The following ZSCAN30 variants were observed in gnomAD, a reference collection of about 807,000 sequenced individuals.
The protein encoded by ZSCAN30 is zinc finger and SCAN domain-containing protein 30.
In ZSCAN30, 37 loss-of-function variants were observed where a neutral mutation model predicts 44.3. The observed-to-expected ratio is 0.84, with a 90% CI of 0.64 to 1.10. ZSCAN30 has a LOEUF of 1.10. Among genes scored for constraint, ZSCAN30 ranks in the 50% least tolerant of loss-of-function variants. The pLI is 0.00. For missense variants in ZSCAN30, 549 were observed against 582.6 expected (o/e 0.94, Z 0.59); for synonymous variants, 181 against 204.6 (o/e 0.88, Z 0.98).
chr18:35,253,445 C>CA lies in ZSCAN30; in HGVS notation c.*4dup. The stretch of plus-strand genomic sequence containing the variant: ...TTCACAATTGTACAACTCTTACCCA[C>CA]AGAGTTAAACTCTGGTGTGTGTTCT... On this transcript the variant is annotated 3_prime_UTR_variant, in exon 4 of 4. Coordinates refer to ENST00000333206, the MANE Select transcript of ZSCAN30 (RefSeq NM_001112734.4). 2 of 1,551,862 alleles carry CA rather than the reference C, an allele frequency of 1.3e-6. No homozygotes were observed. Among genetic ancestry groups the CA allele is most frequent in the South Asian group, 2.5e-5 (2 of 80,178 alleles).
chr18:35,276,120 T>C (rs1249864117), intron 1 of ZSCAN30, among the ~76,000 whole-genome samples: 1 of 152,216 alleles, frequency 6.6e-6, no homozygotes, highest in Non-Finnish European at 1.5e-5. Flanking sequence ...TTGTGATGTA[T>C]TTGACTGATT....
chr18:35,274,467 T>A (rs2044337265), intron 1 of ZSCAN30, among the ~76,000 whole-genome samples: 1 of 152,196 alleles, frequency 6.6e-6, no homozygotes, highest in East Asian at 1.9e-4. Context: ...TGACTTGCAG[T>A]TGGGCTACAG....
chr18:35,258,142 G>T (rs1048409484), intron 3 of ZSCAN30: 1 of 623,264 alleles, frequency 1.6e-6, no homozygotes, highest in Non-Finnish European at 2.9e-6. Context: ...GCTGTGAAAG[G>T]ATCCACATTA....
chr18:35,260,901 C>T (rs2044011380), intron 3 of ZSCAN30: 1 of 152,122 alleles, frequency 6.6e-6, no homozygotes, highest in South Asian at 2.1e-4. Flanking sequence ...TTGCTTTTGA[C>T]ATTTTCATCA....
In ZSCAN30 at chr18:35,253,628, G is replaced by A. The variant is rs2043673786; in HGVS notation, c.1307C>T (p.Thr436Ile). 1.9e-6 allele frequency: 3 copies of A among 1,613,976 alleles called. No individual in the cohort carries two copies. The highest frequency in any genetic ancestry group is 2.7e-5 in the African/African-American group (2 of 74,888). ...ATTACATTCATAAGGTTTCTCTCCAGTGTGAATTCTTTGATGTTCAATAAG... is the reference window on the plus strand; with the variant it reads ...ATTACATTCATAAGGTTTCTCTCCAATGTGAATTCTTTGATGTTCAATAAG... ...SILIEHQRIH[T>I]GEKPYECNEC... is the part of the protein sequence containing the mutation. The change falls in exon 4 of 4, where the codon ACT (threonine) becomes ATT (isoleucine). Residue 436 changes from threonine to isoleucine, a missense_variant. Transcript: ENST00000333206.
intron 3 of ZSCAN30, chr18:35,255,770 C>G (rs578232850): frequency 2.7e-4 from 42 of 154,442 alleles, no homozygotes; most frequent in African/African-American, 9.8e-4. Flanking sequence ...AAATTAAACA[C>G]AGATGACATC....
rs2043704598 is a variant in ZSCAN30 at position 35,254,169 on chromosome 18, G to T, written c.766C>A (p.His256Asn). The T allele has an allele frequency of 6.2e-7, 1 of 1,614,200 alleles. No homozygotes were observed. The highest frequency in any genetic ancestry group is 1.3e-5 in the African/African-American group (1 of 75,042). The part of the protein sequence containing the change: ...KISQLPSQDR[H>N]FSLATFNRRI... ...CTGTTGAAGGTTGCCAGACTGAAAT[G>T]TCTGTCCTGGGAAGGAAGCTGACTG... The change falls in exon 4 of 4, where the codon CAT becomes AAT. Residue 256 changes from histidine to asparagine, a missense_variant. His to Asn is a moderately conservative substitution (Grantham distance 68). Transcript: ENST00000333206.
rs2043581187 is a variant in ZSCAN30, at chr18:35,251,222, C to T, written c.*2228G>A. On this transcript the variant is annotated 3_prime_UTR_variant, in exon 4 of 4. Transcript: ENST00000333206. ...AAAATAAACACTAATAGAAAGTACT[C>T]CAAAATGTTAACAACGTTTCTATGG... 6.6e-6 allele frequency: 1 copy of T among 152,064 alleles called. No individual in the cohort carries two copies. The highest frequency in any genetic ancestry group is 1.5e-5 in the Non-Finnish European group (1 of 68,014). 9.4% of individuals were successfully genotyped at this position (152,064 alleles called of 1,614,324 possible).
At chr18:35,288,292 T>A (rs556869651) in intron 1 of ZSCAN30, among the ~76,000 whole-genome samples, 6 of 152,316 alleles carry the variant, frequency 3.9e-5, no homozygotes, top group African/African-American at 1.4e-4. Context: ...CTAAATATTA[T>A]TAGTCAGTAT....
At chr18:35,285,287 A>AAAACC (rs3084119) in intron 1 of ZSCAN30, 129,203 of 151,784 alleles carry the variant, frequency 0.85, 55,758 homozygotes, top group Non-Finnish European at 0.93. Flanking sequence ...GAGAATAGAC[A>AAAACC]AAACCACAAT....
intron 1 of ZSCAN30, chr18:35,268,506 G>T (rs574125522): frequency 6.6e-6 from 1 of 152,208 alleles, no homozygotes; most frequent in Non-Finnish European, 1.5e-5. Flanking sequence ...GAATGGGGAA[G>T]AAAAGGAGTT....
chr18:35,263,242 TAA>T (rs71265098), intron 3 of ZSCAN30: 4,406 of 271,490 alleles, frequency 0.016, no homozygotes, highest in South Asian at 0.027. Flanking sequence ...AGACCCCATC[TAA>T]AAAAAAAAAA....
intron 1 of ZSCAN30, among the ~76,000 whole-genome samples, chr18:35,285,833 G>T (rs1299220813): frequency 6.6e-6 from 1 of 151,216 alleles, no homozygotes; most frequent in Non-Finnish European, 1.5e-5. Flanking sequence ...CCCAAAGCAA[G>T]GAGAAAAAAG....
intron 3 of ZSCAN30, among the ~76,000 whole-genome samples, chr18:35,256,775 GTTGT>G (rs200306741): frequency 0.034 from 5,125 of 151,872 alleles, 181 homozygotes; most frequent in African/African-American, 0.094. Flanking sequence ...TGTTGTTGTT[GTTGT>G]TTGTTTGTTT....
chr18:35,253,474 A>G lies in ZSCAN30; in HGVS notation c.1461T>C (p.His487=). The G allele has an allele frequency of 6.3e-7, 1 of 1,587,068 alleles. No individual in the cohort carries two copies. Among genetic ancestry groups the G allele is most frequent in the Non-Finnish European group, 8.6e-7 (1 of 1,164,434 alleles). ...GTTAAACTCTGGTGTGTGTTCTCTG[A>G]TGCTGCATAAGGCCTGACCTATGCC... ...TFRHRSGLMQ[H]QRTHTRV is the part of the protein sequence containing the mutation. The change falls in exon 4 of 4, where the codon CAT becomes CAC. Residue 487 remains histidine (H), a synonymous_variant. Coordinates refer to ENST00000333206, the MANE Select transcript of ZSCAN30 (RefSeq NM_001112734.4).
intron 1 of ZSCAN30, among the ~76,000 whole-genome samples, chr18:35,270,390 C>T (rs893674339): frequency 6.6e-6 from 1 of 152,218 alleles, no homozygotes; most frequent in African/African-American, 2.4e-5. Flanking sequence ...TAGACTTACA[C>T]GCCATATCCT....
chr18:35,276,010 C>G (rs1341770510), intron 1 of ZSCAN30, among the ~76,000 whole-genome samples: 1 of 152,160 alleles, frequency 6.6e-6, no homozygotes, highest in African/African-American at 2.4e-5. Flanking sequence ...GGGATAAATT[C>G]CACTTGGTCG....
chr18:35,266,416 A>G (rs1276564897), intron 1 of ZSCAN30, among the ~76,000 whole-genome samples: 5 of 152,110 alleles, frequency 3.3e-5, no homozygotes, highest in Admixed American at 3.3e-4. Flanking sequence ...AGACAAAAAG[A>G]CGGGAGATTT....
chr18:35,280,430 C>T (rs1347866481), intron 1 of ZSCAN30, among the ~76,000 whole-genome samples: 1 of 151,902 alleles, frequency 6.6e-6, no homozygotes, highest in Non-Finnish European at 1.5e-5. Flanking sequence ...ACACAAAACA[C>T]CATGACTTGG....
Sources: allele counts gnomAD v4.1 joint callset (sites outside exome capture counted in the v4.1 genomes callset), GRCh38; gene constraint gnomAD v4.1.1; transcripts MANE v1.5; gene names NCBI Gene and HGNC (gene_info 2026-07-23, HGNC 2026-07-21).